The following CDK19 variants were observed in gnomAD, a reference collection of about 807,000 sequenced individuals.
CDK19 encodes cyclin-dependent kinase 19.
A neutral mutation model predicts 68.3 loss-of-function variants in CDK19; 20 were observed. That is an observed-to-expected ratio of 0.29 (90% CI 0.21 to 0.43). The LOEUF (loss-of-function observed/expected upper bound fraction) is 0.43. Among genes scored for constraint, CDK19 ranks in the 20% least tolerant of loss-of-function variants. The probability of loss-of-function intolerance (pLI) is 1.00; values close to 1 mark genes in which losing one functional copy is unlikely to be tolerated. For missense variants in CDK19, 339 were observed against 623.5 expected (o/e 0.54, Z 4.86); for synonymous variants, 221 against 222.8 (o/e 0.99, Z 0.07).
intron 4 of CDK19, among the ~76,000 whole-genome samples, chr6:110,661,022 T>A (rs1200890302): frequency 6.6e-6 from 1 of 152,248 alleles, no homozygotes; most frequent in Admixed American, 6.5e-5. Context: ...CCTCCTGGTA[T>A]ACACACTATT....
intron 2 of CDK19, among the ~76,000 whole-genome samples, chr6:110,707,810 A>G (rs1261730047): frequency 6.6e-6 from 1 of 152,016 alleles, no homozygotes; most frequent in African/African-American, 2.4e-5. Context: ...CATGTCTACT[A>G]AAAATACAAA....
chr6:110,778,156 T>C (rs1232174244), intron 1 of CDK19, among the ~76,000 whole-genome samples: 1 of 152,148 alleles, frequency 6.6e-6, no homozygotes, highest in Non-Finnish European at 1.5e-5. Flanking sequence ...TTTATCACAA[T>C]TTTTAAAAAA....
intron 1 of CDK19, among the ~76,000 whole-genome samples, chr6:110,762,063 A>T (rs1038787159): frequency 1.3e-5 from 2 of 152,184 alleles, no homozygotes; most frequent in Non-Finnish European, 2.9e-5. Flanking sequence ...GGAGTTATGC[A>T]AAGGTTCTGT....
chr6:110,655,202 C>A (rs1781230298), intron 4 of CDK19, among the ~76,000 whole-genome samples: 1 of 151,702 alleles, frequency 6.6e-6, no homozygotes, highest in Non-Finnish European at 1.5e-5. Context: ...CCTGTCTCTA[C>A]TAAAAATACA....
At chr6:110,629,877 C>T (rs898680727) in intron 6 of CDK19, among the ~76,000 whole-genome samples, 1 of 152,038 alleles carries the variant, frequency 6.6e-6, no homozygotes, top group Non-Finnish European at 1.5e-5. Flanking sequence ...TATCTTTAAG[C>T]GGTAAATTTC....
chr6:110,632,381 C>T (rs1251778176), intron 5 of CDK19, among the ~76,000 whole-genome samples: 7 of 152,176 alleles, frequency 4.6e-5, no homozygotes, highest in African/African-American at 1.7e-4. Flanking sequence ...TTATTATCTA[C>T]CATCAGAAGG....
chr6:110,645,705 C>A, intron 4 of CDK19: 5 of 407,526 alleles, frequency 1.2e-5, no homozygotes, highest in South Asian at 1.1e-4. Context: ...GAACTCTTGA[C>A]GACGGCTGGA....
chr6:110,622,286 AG>A lies in CDK19; in HGVS notation c.1032-121del, dbSNP rs1375820021. The A allele has an allele frequency of 5.1e-5, 36 of 707,856 alleles. No individual in the cohort carries two copies. The African/African-American group carries it at 5.9e-4, about 12-fold the overall frequency. 43.8% of individuals were successfully genotyped at this position (707,856 alleles called of 1,614,324 possible). A position where few individuals can be genotyped will look rare whatever the true frequency, so the allele number is the denominator to read the frequency against. On this transcript the variant is annotated intron_variant, in intron 10 of 12. Coordinates refer to ENST00000368911, the MANE Select transcript of CDK19 (RefSeq NM_015076.5). ...TATTTCCTACTCTTCATCTGTGGCTAGTGTTCAAATCTTGACTGCTGCTAGC... is the reference window on the plus strand; with the variant it reads ...TATTTCCTACTCTTCATCTGTGGCTATGTTCAAATCTTGACTGCTGCTAGC...
chr6:110,815,088 C>T lies in CDK19; in HGVS notation c.49G>A (p.Glu17Lys). Reference protein sequence around the residue: ...AKLAAERERVEDLFEYEGCKV... With the variant: ...AKLAAERERVKDLFEYEGCKV... ...CACCCTTCGTACTCAAACAAATCCT[C>T]CACCCGCTCCCGCTCCGCCGCCAGC... Residue 17 changes from glutamate to lysine, a missense_variant, in exon 1 of 13, where the codon GAG becomes AAG. Transcript: ENST00000368911. The T allele has an allele frequency of 6.2e-7, 1 of 1,603,524 alleles. No homozygotes were observed. The highest frequency in any genetic ancestry group is 1.1e-5 in the South Asian group (1 of 89,826).
intron 1 of CDK19, among the ~76,000 whole-genome samples, chr6:110,777,245 T>C (rs1159399745): frequency 6.6e-6 from 1 of 152,278 alleles, no homozygotes; most frequent in Non-Finnish European, 1.5e-5. Context: ...CTAAAAGAAT[T>C]AGAACTTTTT....
chr6:110,798,695 T>C (rs1255878487), intron 1 of CDK19, among the ~76,000 whole-genome samples: 2 of 138,632 alleles, frequency 1.4e-5, no homozygotes, highest in Non-Finnish European at 3.1e-5. Context: ...CCAGAAGACA[T>C]GAAGCAATAG....
chr6:110,757,912 C>T (rs1287161822), intron 1 of CDK19, among the ~76,000 whole-genome samples: 3 of 151,978 alleles, frequency 2.0e-5, no homozygotes, highest in African/African-American at 7.2e-5. Context: ...AAGAGAAGGC[C>T]GAGTATGGTG....
At chr6:110,694,465 A>G (rs528182139) in intron 2 of CDK19, among the ~76,000 whole-genome samples, 1 of 152,322 alleles carries the variant, frequency 6.6e-6, no homozygotes, top group South Asian at 2.1e-4. Flanking sequence ...AAAGTATCAC[A>G]ATCCTAAAGA....
intron 2 of CDK19, among the ~76,000 whole-genome samples, chr6:110,708,508 C>T (rs1774696205): frequency 6.6e-6 from 1 of 152,110 alleles, no homozygotes; most frequent in African/African-American, 2.4e-5. Context: ...CTCTTGTTTC[C>T]AGCCCCAGCT....
intron 1 of CDK19, among the ~76,000 whole-genome samples, chr6:110,774,778 A>C (rs1780277108): frequency 6.6e-6 from 1 of 152,158 alleles, no homozygotes; most frequent in African/African-American, 2.4e-5. Context: ...GGCGAACCCC[A>C]TCTCTACTAA....
intron 2 of CDK19, among the ~76,000 whole-genome samples, chr6:110,723,822 CTGAG>C (rs1168228336): frequency 6.6e-6 from 1 of 152,168 alleles, no homozygotes; most frequent in African/African-American, 2.4e-5. Flanking sequence ...TCTTCCCTTG[CTGAG>C]TATTAGAATA....
intron 1 of CDK19, among the ~76,000 whole-genome samples, chr6:110,812,390 G>A (rs1261683735): frequency 6.6e-6 from 1 of 152,134 alleles, no homozygotes. Context: ...CCAAAGTGCT[G>A]GGATTACAGG....
intron 2 of CDK19, among the ~76,000 whole-genome samples, chr6:110,724,016 A>T (rs1776139466): frequency 2.1e-4 from 2 of 9,578 alleles, no homozygotes; most frequent in South Asian, 1.3e-3. Context: ...AACATTCTTA[A>T]AAAAAAAAAA....
chr6:110,734,440 A>G (rs1390558458), intron 2 of CDK19, among the ~76,000 whole-genome samples: 1 of 151,982 alleles, frequency 6.6e-6, no homozygotes, highest in Non-Finnish European at 1.5e-5. Context: ...CTGTTTTAAT[A>G]ACTACAGTTT....
Sources: gnomAD v4.1 joint callset for allele counts (sites outside exome capture counted in the v4.1 genomes callset) on GRCh38, gnomAD v4.1.1 for gene constraint, MANE v1.5 for transcripts, NCBI Gene and HGNC (gene_info 2026-07-23, HGNC 2026-07-21) for gene names.